Variants in RYR3 observed in about 807,000 individuals in gnomAD.
RYR3 encodes brain ryanodine receptor-calcium release channel.
In RYR3, 207 loss-of-function variants were observed where a neutral mutation model predicts 584.3. The observed-to-expected ratio is 0.35, with a 90% CI of 0.32 to 0.40. The LOEUF (loss-of-function observed/expected upper bound fraction) is 0.40. RYR3 is among the 10% of genes least tolerant of loss of function. The pLI is 1.00. For missense variants in RYR3, 5,616 were observed against 6,089.2 expected (o/e 0.92, Z 2.59); for synonymous variants, 2,416 against 2,248.5 (o/e 1.07, Z -2.11).
At chr15:33,695,380 T>G (rs1469204053) in intron 38 of RYR3, among the ~76,000 whole-genome samples, 1 of 152,198 alleles carries the variant, frequency 6.6e-6, no homozygotes, top group African/African-American at 2.4e-5. Flanking sequence ...TCCACAGCTG[T>G]TTTGAGTCCC....
chr15:33,703,818 A>T (rs1231166014), intron 42 of RYR3, among the ~76,000 whole-genome samples: 1 of 152,224 alleles, frequency 6.6e-6, no homozygotes, highest in Admixed American at 6.5e-5. Context: ...AGATTCAATC[A>T]GTATTTCCAA....
At chr15:33,756,240 TA>T in intron 58 of RYR3, 65 bp from the exon 59 acceptor site, 1 of 1,107,800 alleles carries the variant, frequency 9.0e-7, no homozygotes. Context: ...GCTCTGTTTC[TA>T]AAATGTTGTG....
chr15:33,484,684 C>CT lies in RYR3; in HGVS notation c.171+11147dup, dbSNP rs557439140. 1.1e-4 allele frequency among the ~76,000 whole-genome samples: 16 copies of CT among 152,162 alleles called. 1 individual carries two copies. The South Asian group carries it at 3.3e-3, about 32-fold the overall frequency. ...AAGGTAGGAGGAGTCAAGTATGATG[C>CT]TAGAGTTATAGGTTTTAGCTGCCTG... On this transcript the variant is annotated intron_variant, in intron 2 of 103. Coordinates refer to ENST00000634891, the MANE Select transcript of RYR3 (RefSeq NM_001036.6).
At chr15:33,642,126 A>G (rs937083639) in intron 27 of RYR3, among the ~76,000 whole-genome samples, 12 of 152,172 alleles carry the variant, frequency 7.9e-5, no homozygotes, top group African/African-American at 2.7e-4. Context: ...ACATCCTTAG[A>G]AAAAAAGAAG....
chr15:33,838,852 G>A lies in RYR3; in HGVS notation c.12872G>A (p.Ser4291Asn), dbSNP rs762812931. The A allele has an allele frequency of 6.2e-7, 1 of 1,613,998 alleles. No individual in the cohort carries two copies. The highest frequency in any genetic ancestry group is 1.1e-5 in the South Asian group (1 of 91,078). The change falls in exon 89 of 104, where the codon AGC becomes AAC. Residue 4291 changes from serine (S) to asparagine (N), a missense_variant. By Grantham distance (46) the Ser-to-Asn change is conservative. Around this residue, in one of 9 missense-constraint regions of RYR3, gnomAD observed 918 missense variants for 887.4 expected, o/e 1.03. Transcript: ENST00000634891. ...LFGLHPKKEG[S>N]LKHGPEVGLG... ...GGACTCCACCCAAAGAAAGAGGGCA[G>A]CTTAAAGCATGGGCCTGAAGTGGGT...
In RYR3 at chr15:33,837,559, G is replaced by A. The variant is rs559464688; in HGVS notation, c.11651-72G>A. 5.5e-6 allele frequency: 8 copies of A among 1,454,634 alleles called. No homozygotes were observed. In the African/African-American group the frequency reaches 1.1e-4, roughly 21 times the overall value. The allele number at this position is 1,454,634 out of a possible 1,614,324, so 90.1% of individuals were successfully genotyped here. On this transcript the variant is annotated intron_variant, in intron 88 of 103. Transcript: ENST00000634891. ...TTGGCACAAAAGTCTTCTAAAAATA[G>A]CTACCTGACAAGTGACATGATAGCT...
chr15:33,432,697 T>TGTGTGTGTGTGTG (rs1555469372), intron 1 of RYR3, among the ~76,000 whole-genome samples: 8 of 148,884 alleles, frequency 5.4e-5, no homozygotes, highest in African/African-American at 1.0e-4. Flanking sequence ...TGTGTGTGTG[T>TGTGTGTGTGTGTG]TTAAAGTAGA....
intron 1 of RYR3, among the ~76,000 whole-genome samples, chr15:33,471,987 A>G (rs900443891): frequency 6.6e-6 from 1 of 152,300 alleles, no homozygotes; most frequent in African/African-American, 2.4e-5. Flanking sequence ...CACTCTCTTC[A>G]GAGATTTCAC....
intron 1 of RYR3, among the ~76,000 whole-genome samples, chr15:33,347,531 C>T (rs1263253479): frequency 6.6e-6 from 1 of 151,426 alleles, no homozygotes; most frequent in Non-Finnish European, 1.5e-5. Flanking sequence ...ACTGCAAGCT[C>T]CGCCTCCCGG....
rs1164733269 is a variant in RYR3 at position 33,699,310 on chromosome 15, T to TTCCTCACTTTCTC, written c.6250-375_6250-363dup. Among the ~76,000 whole-genome samples the TTCCTCACTTTCTC allele has an allele frequency of 4.9e-4, 65 of 131,608 alleles. 1 individual carries two copies. The highest frequency in any genetic ancestry group is 7.4e-3 in the Middle Eastern group (2 of 270). The allele number at this position is 131,608 out of a possible 152,430, so 86.3% of individuals were successfully genotyped here. A position where few individuals can be genotyped will look rare whatever the true frequency, so the allele number is the denominator to read the frequency against. ...TCTCTCCTCTTTCTCTCCTCACTCT[T>TTCCTCACTTTCTC]TCCTCACTTTCTCTCCTCACTTTCT... On this transcript the variant is annotated intron_variant, in intron 40 of 103. Transcript: ENST00000634891.
chr15:33,325,227 A>G (rs1351018991), intron 1 of RYR3, among the ~76,000 whole-genome samples: 2 of 152,172 alleles, frequency 1.3e-5, no homozygotes, highest in South Asian at 2.1e-4. Flanking sequence ...AGTCTGTACC[A>G]GATACAAACC....
chr15:33,355,807 G>A (rs906507966), intron 1 of RYR3, among the ~76,000 whole-genome samples: 1 of 152,158 alleles, frequency 6.6e-6, no homozygotes, highest in African/African-American at 2.4e-5. Flanking sequence ...GGGTGGAGAG[G>A]ATGAGAACTT....
intron 1 of RYR3, among the ~76,000 whole-genome samples, chr15:33,454,711 G>A (rs1050413337): frequency 3.9e-5 from 6 of 152,196 alleles, no homozygotes; most frequent in Non-Finnish European, 8.8e-5. Context: ...AATGAGGAGT[G>A]TGATAGAGGC....
intron 10 of RYR3, among the ~76,000 whole-genome samples, chr15:33,551,276 G>A (rs576967310): frequency 8.5e-5 from 13 of 152,280 alleles, no homozygotes; most frequent in South Asian, 2.1e-4. Context: ...CTTTGGGAGC[G>A]TCACCTTTAG....
intron 10 of RYR3, among the ~76,000 whole-genome samples, chr15:33,561,246 A>G (rs1341139042): frequency 6.6e-6 from 1 of 152,244 alleles, no homozygotes; most frequent in Non-Finnish European, 1.5e-5. Flanking sequence ...TCGTATAGAC[A>G]AACACATTTT....
intron 46 of RYR3, among the ~76,000 whole-genome samples, chr15:33,728,449 G>A (rs2068645775): frequency 6.6e-6 from 1 of 152,158 alleles, no homozygotes; most frequent in Non-Finnish European, 1.5e-5. Context: ...TTAACAACTG[G>A]CTGGAATTTT....
At chr15:33,622,567 A>G (rs2060782543) in intron 19 of RYR3, among the ~76,000 whole-genome samples, 1 of 152,234 alleles carries the variant, frequency 6.6e-6, no homozygotes, top group African/African-American at 2.4e-5. Context: ...GACACCAGGG[A>G]TGCCATATAC....
Position 33,838,906 on chromosome 15 carries a change from A to G in RYR3, c.12926A>G (p.Lys4309Arg). ...GGTGACCTCTCAGAAATTATTGGCA[A>G]GGATGAACCCCCTACATTAGAGAGT... ...GLGDLSEIIG[K>R]DEPPTLESTV... Residue 4309 changes from lysine (K) to arginine (R), a missense_variant, in exon 89 of 104, where the codon AAG (lysine) becomes AGG (arginine). Around this residue, in one of 9 missense-constraint regions of RYR3, gnomAD observed 918 missense variants for 887.4 expected, o/e 1.03. Coordinates refer to ENST00000634891, the MANE Select transcript of RYR3 (RefSeq NM_001036.6). The G allele has an allele frequency of 6.2e-7, 1 of 1,614,012 alleles. No individual in the cohort carries two copies. Among genetic ancestry groups the G allele is most frequent in the Non-Finnish European group, 8.5e-7 (1 of 1,179,862 alleles).
intron 36 of RYR3, among the ~76,000 whole-genome samples, chr15:33,665,745 A>G: frequency 6.6e-6 from 1 of 152,258 alleles, no homozygotes; most frequent in East Asian, 1.9e-4. Context: ...CTGACAAAAC[A>G]GCATACCTGT....
Sources: gnomAD v4.1 joint callset for allele counts (sites outside exome capture counted in the v4.1 genomes callset) on GRCh38, gnomAD v4.1.1 for gene constraint, gnomAD v4.1.1 regional missense constraint, MANE v1.5 for transcripts, NCBI Gene and HGNC (gene_info 2026-07-23, HGNC 2026-07-21) for gene names.